The following MME variants were observed in gnomAD, a reference collection of about 807,000 sequenced individuals.
MME encodes the protein neprilysin.
In MME, 98 loss-of-function variants were observed where a neutral mutation model predicts 113.2. The observed-to-expected ratio is 0.87, with a 90% CI of 0.74 to 1.02. The LOEUF (loss-of-function observed/expected upper bound fraction) is 1.02, where lower values mean the gene tolerates loss of function less well. Among genes scored for constraint, MME ranks in the 50% least tolerant of loss-of-function variants. The probability of loss-of-function intolerance (pLI) is 0.00; values close to 1 mark genes in which losing one functional copy is unlikely to be tolerated. For missense variants in MME, 836 were observed against 896.0 expected (o/e 0.93, Z 0.86); for synonymous variants, 292 against 300.6 (o/e 0.97, Z 0.30).
chr3:155,099,402 T>G (rs566333336), intron 3 of MME, among the ~76,000 whole-genome samples: 1 of 152,334 alleles, frequency 6.6e-6, no homozygotes, highest in East Asian at 1.9e-4. Flanking sequence ...CCTTTAATCT[T>G]ACATTTCTTC....
intron 1 of MME, among the ~76,000 whole-genome samples, chr3:155,052,326 T>C (rs1472026583): frequency 6.6e-6 from 1 of 152,224 alleles, no homozygotes; most frequent in Non-Finnish European, 1.5e-5. Flanking sequence ...GTGGGGACTT[T>C]CTGTGGGAGC....
At chr3:155,145,654 A>G (rs931449662) in intron 14 of MME, among the ~76,000 whole-genome samples, 5 of 152,102 alleles carry the variant, frequency 3.3e-5, no homozygotes, top group Admixed American at 1.3e-4. Context: ...TATGATTCTA[A>G]CCTTATAATC....
intron 3 of MME, among the ~76,000 whole-genome samples, chr3:155,087,851 C>G (rs997804442): frequency 2.6e-5 from 4 of 152,260 alleles, no homozygotes; most frequent in African/African-American, 9.6e-5. Context: ...CATTCAGAAT[C>G]TGGAATCTTA....
chr3:155,136,337 GGGTTT>G (rs1720632818), intron 8 of MME, among the ~76,000 whole-genome samples: 1 of 152,156 alleles, frequency 6.6e-6, no homozygotes, highest in Admixed American at 6.6e-5. Context: ...AGTTTACTAA[GGGTTT>G]TTATTATGAA....
At chr3:155,172,289 C>A in intron 21 of MME, 77 bp downstream of exon 21, 1 of 1,003,816 alleles carries the variant, frequency 1.0e-6, no homozygotes, top group Non-Finnish European at 1.6e-6. Flanking sequence ...ATGTCACATG[C>A]TGAGTTCCCT....
intron 3 of MME, among the ~76,000 whole-genome samples, chr3:155,100,519 T>C (rs1002906408): frequency 6.6e-6 from 1 of 152,192 alleles, no homozygotes; most frequent in Non-Finnish European, 1.5e-5. Context: ...ATAATTTTAA[T>C]AATGTTTGAG....
intron 1 of MME, among the ~76,000 whole-genome samples, chr3:155,047,304 G>C (rs1344707897): frequency 6.6e-6 from 1 of 152,108 alleles, no homozygotes; most frequent in African/African-American, 2.4e-5. Context: ...ACTGTCTATA[G>C]TATTTAATAG....
chr3:155,084,308 ACT>A lies in MME; in HGVS notation c.144_145del (p.Tyr49CysfsTer5), dbSNP rs1430047281. ...LTIIAVTMIA[L>X]YATYDDGICK... is the part of the protein sequence containing the mutation. ...CCATCATAGCTGTGACAATGATCGC[ACT>A]CTATGCAACCTACGATGGTGAGTTA... On this transcript the variant is annotated frameshift_variant, in exon 2 of 23. Coordinates refer to ENST00000360490, the MANE Select transcript of MME (RefSeq NM_007289.4). LOFTEE classifies it high-confidence loss of function. The A allele has an allele frequency of 6.2e-7, 1 of 1,614,068 alleles. No homozygotes were observed. Among genetic ancestry groups the A allele is most frequent in the South Asian group, 1.1e-5 (1 of 91,074 alleles).
chr3:155,047,951 AT>A (rs1166616727), intron 1 of MME, among the ~76,000 whole-genome samples: 1 of 152,132 alleles, frequency 6.6e-6, no homozygotes, highest in African/African-American at 2.4e-5. Flanking sequence ...ATGGATTAGT[AT>A]GAGGGTGTTT....
intron 1 of MME, among the ~76,000 whole-genome samples, chr3:155,056,158 T>A (rs1358866988): frequency 6.6e-6 from 1 of 152,178 alleles, no homozygotes; most frequent in African/African-American, 2.4e-5. Flanking sequence ...TTTTATTTCC[T>A]CTTCTAGCAT....
At chr3:155,102,494 C>T (rs545800887) in intron 3 of MME, among the ~76,000 whole-genome samples, 8 of 152,178 alleles carry the variant, frequency 5.3e-5, no homozygotes, top group Non-Finnish European at 8.8e-5. Context: ...ACCACATGGT[C>T]ATCCATTTTG....
At chr3:155,109,693 G>A (rs1179858106) in intron 3 of MME, among the ~76,000 whole-genome samples, 2 of 152,156 alleles carry the variant, frequency 1.3e-5, no homozygotes, top group Admixed American at 6.5e-5. Context: ...TTAAAAAAAT[G>A]TCTGGACCCC....
intron 3 of MME, among the ~76,000 whole-genome samples, chr3:155,109,851 A>G (rs1195624244): frequency 2.6e-5 from 4 of 152,222 alleles, no homozygotes; most frequent in Non-Finnish European, 5.9e-5. Context: ...TCCATTTTCC[A>G]ATGTGCTCCA....
intron 1 of MME, among the ~76,000 whole-genome samples, chr3:155,046,402 TGCTGGCCGGGAGTGATG>T (rs1713560687): frequency 6.6e-6 from 1 of 152,168 alleles, no homozygotes; most frequent in African/African-American, 2.4e-5. Context: ...AATTTCCCAT[TGCTGGCCGGGAGTGATG>T]GCTCATGCCT....
chr3:155,175,890 T>C (rs1007307535), intron 22 of MME, among the ~76,000 whole-genome samples: 8 of 152,196 alleles, frequency 5.3e-5, no homozygotes, highest in Admixed American at 1.3e-4. Context: ...TGGTTCCTGA[T>C]ATTTATAGAT....
chr3:155,180,562 A>G lies in MME; in HGVS notation c.*103A>G. The G allele has an allele frequency of 1.2e-6, 1 of 846,020 alleles. No homozygotes were observed. Among genetic ancestry groups the G allele is most frequent in the Non-Finnish European group, 2.1e-6 (1 of 486,880 alleles). The allele number at this position is 846,020 out of a possible 1,614,324, so 52.4% of individuals were successfully genotyped here. On this transcript the variant is annotated 3_prime_UTR_variant, in exon 23 of 23. Transcript: ENST00000360490. The stretch of plus-strand genomic sequence containing the variant: ...ATGGGCCCTAGGGGTCACTGTACTG[A>G]CTTGAGGGTGATTAACAGAGAGGGC...
At chr3:155,061,887 C>G (rs1714162424) in intron 1 of MME, among the ~76,000 whole-genome samples, 1 of 152,100 alleles carries the variant, frequency 6.6e-6, no homozygotes, top group Non-Finnish European at 1.5e-5. Context: ...TTTCGAACTC[C>G]TGGCCTCAAG....
intron 1 of MME, among the ~76,000 whole-genome samples, chr3:155,067,786 G>A (rs994938539): frequency 6.6e-6 from 1 of 152,102 alleles, no homozygotes; most frequent in Admixed American, 6.5e-5. Flanking sequence ...ACTGTACCAA[G>A]AGTTAACAAG....
intron 1 of MME, among the ~76,000 whole-genome samples, chr3:155,056,962 C>T (rs1167957938): frequency 7.2e-5 from 11 of 152,200 alleles, no homozygotes; most frequent in Admixed American, 6.5e-4. Flanking sequence ...GGATTAAAGA[C>T]TTAAACGTTA....
Sources: gnomAD v4.1 joint callset for allele counts (sites outside exome capture counted in the v4.1 genomes callset) on GRCh38, gnomAD v4.1.1 for gene constraint, MANE v1.5 for transcripts, NCBI Gene and HGNC (gene_info 2026-07-23, HGNC 2026-07-21) for gene names.